The following NSRP1 variants were observed in gnomAD, a reference collection of about 807,000 sequenced individuals.
NSRP1 encodes the protein coiled-coil domain containing 55.
A neutral mutation model predicts 54.7 loss-of-function variants in NSRP1; 24 were observed. The observed-to-expected ratio is 0.44, with a 90% CI of 0.32 to 0.62. The LOEUF is 0.62. Ranked by LOEUF, NSRP1 falls within the 20% of genes least tolerant of loss-of-function variation. The pLI, the probability that NSRP1 is intolerant of heterozygous loss-of-function variation, is 0.06. For missense variants in NSRP1, 596 were observed against 651.2 expected (o/e 0.92, Z 0.92); for synonymous variants, 210 against 213.8 (o/e 0.98, Z 0.15).
intron 2 of NSRP1, among the ~76,000 whole-genome samples, chr17:30,159,053 G>A (rs74978735): frequency 0.023 from 3,532 of 152,248 alleles, 132 homozygotes; most frequent in African/African-American, 0.081. Context: ...GCTTTTGGTA[G>A]AATGGTCATT....
Position 30,180,934 on chromosome 17 carries a change from G to A in NSRP1, c.535G>A (p.Asp179Asn), listed in dbSNP as rs758791206. Residue 179 changes from aspartate (D) to asparagine (N), a missense_variant, in exon 6 of 7, where the codon GAT becomes AAT. By Grantham distance (23) the Asp-to-Asn change is conservative (BLOSUM62 1). Transcript: ENST00000247026. ...ATGTTTGGATGTAACCAAGCAGAAA[G>A]ATCTCAGTGGATTTTATAGGCACCT... ...EACLDVTKQK[D>N]LSGFYRHLLN... 2 of 1,613,268 alleles carry A rather than the reference G, an allele frequency of 1.2e-6. No homozygotes were observed. The highest frequency in any genetic ancestry group is 1.3e-5 in the African/African-American group (1 of 74,954).
Position 30,185,696 on chromosome 17 carries a change from T to G in NSRP1, c.*22T>G. The G allele has an allele frequency of 6.6e-7, 1 of 1,511,432 alleles. No homozygotes were observed. Among genetic ancestry groups the G allele is most frequent in the South Asian group, 1.4e-5 (1 of 70,796 alleles). The allele number at this position is 1,511,432 out of a possible 1,614,324, so 93.6% of individuals were successfully genotyped here. On this transcript the variant is annotated 3_prime_UTR_variant, in exon 7 of 7. Coordinates refer to ENST00000247026, the MANE Select transcript of NSRP1 (RefSeq NM_032141.4). Reference sequence around the variant, plus strand: ...TTGATGGCTACCCCAAGAGAAAGATTTAAGGAAGCACAGAAAACTGTAATT... The same window carrying G: ...TTGATGGCTACCCCAAGAGAAAGATGTAAGGAAGCACAGAAAACTGTAATT...
intron 2 of NSRP1, among the ~76,000 whole-genome samples, chr17:30,169,846 GA>G (rs968110521): frequency 0.017 from 2,435 of 142,286 alleles, 64 homozygotes; most frequent in African/African-American, 0.056. Flanking sequence ...TTATTACCAT[GA>G]AAAAAAAAAA....
At chr17:30,122,334 A>G (rs1450487910) in intron 2 of NSRP1, 1 of 102,772 alleles carries the variant, frequency 9.7e-6, no homozygotes, top group Admixed American at 1.3e-4. Flanking sequence ...TTTCTGGTTC[A>G]TATGATAACT....
intron 2 of NSRP1, among the ~76,000 whole-genome samples, chr17:30,148,028 A>T (rs1167584889): frequency 6.7e-6 from 1 of 150,192 alleles, no homozygotes; most frequent in African/African-American, 2.4e-5. Flanking sequence ...GGCCAGGCTC[A>T]TCTTGCGAAC....
At chr17:30,151,897 G>A (rs1258954554) in intron 2 of NSRP1, among the ~76,000 whole-genome samples, 1 of 146,284 alleles carries the variant, frequency 6.8e-6, no homozygotes, top group Non-Finnish European at 1.5e-5. Flanking sequence ...ATTCTCCCAA[G>A]TAGCTGGGAT....
rs548462432 is a variant in NSRP1 at position 30,133,262 on chromosome 17, A to G, written c.114+15089A>G. ...GCCACCACACCTGGCCTTGAAATGT[A>G]TTTCTTAAATAAGCCTTGAAGGTCA... On this transcript the variant is annotated intron_variant, in intron 2 of 6. Transcript: ENST00000247026. 1.1e-3 allele frequency among the ~76,000 whole-genome samples: 162 copies of G among 151,986 alleles called. 1 individual carries two copies. Among genetic ancestry groups the G allele is most frequent in the African/African-American group, 3.7e-3 (154 of 41,472 alleles).
In NSRP1 at chr17:30,145,002, A is replaced by T. The variant is rs1397713717; in HGVS notation, c.114+26829A>T. Among the ~76,000 whole-genome samples, 4 of 152,300 alleles carry T rather than the reference A, an allele frequency of 2.6e-5. No homozygotes were observed. The East Asian group carries it at 7.7e-4, about 29-fold the overall frequency. On this transcript the variant is annotated intron_variant, in intron 2 of 6. Coordinates refer to ENST00000247026, the MANE Select transcript of NSRP1 (RefSeq NM_032141.4). ...TTATATTTTGTTTTGAGTACATATGATTTTGTAAACATAAATGTTACTGCA... is the reference window on the plus strand; with the variant it reads ...TTATATTTTGTTTTGAGTACATATGTTTTTGTAAACATAAATGTTACTGCA...
chr17:30,166,799 A>G (rs1904744558), intron 2 of NSRP1, among the ~76,000 whole-genome samples: 1 of 151,954 alleles, frequency 6.6e-6, no homozygotes, highest in Non-Finnish European at 1.5e-5. Flanking sequence ...GGTGGCGCAC[A>G]CTTGTAATCC....
At chr17:30,176,005 C>G (rs991881319) in intron 3 of NSRP1, among the ~76,000 whole-genome samples, 4 of 151,170 alleles carry the variant, frequency 2.6e-5, no homozygotes, top group African/African-American at 9.7e-5. Flanking sequence ...TCCGAACCCC[C>G]CCCCCAAAAA....
chr17:30,179,106 A>G lies in NSRP1; in HGVS notation c.317A>G (p.Asn106Ser), dbSNP rs1905217798. The change falls in exon 5 of 7, where the codon AAC becomes AGC. Residue 106 changes from asparagine (N) to serine (S), a missense_variant. Physicochemically the swap from Asn to Ser is conservative, Grantham distance 46. Transcript: ENST00000247026. Reference sequence around the variant, plus strand: ...TTTCCTTAGCCCAAGTATATTCACAACTTGCTAAAAGCAGTTGAGATCAGA... The same window carrying G: ...TTTCCTTAGCCCAAGTATATTCACAGCTTGCTAAAAGCAGTTGAGATCAGA... Reference protein sequence around the residue: ...GKDRKPKYIHNLLKAVEIRKK... With the variant: ...GKDRKPKYIHSLLKAVEIRKK... 5.1e-6 allele frequency: 8 copies of G among 1,580,548 alleles called. No individual in the cohort carries two copies. Among genetic ancestry groups the G allele is most frequent in the Non-Finnish European group, 6.9e-6 (8 of 1,161,544 alleles).
Position 30,132,121 on chromosome 17 carries a change from G to A in NSRP1, c.114+13948G>A, listed in dbSNP as rs9909327. ...AAATTAGCCGGGCATGGTGGCGGGCGCCTGTAGTCCCAGCTACTCCGGAGG... is the reference window on the plus strand; with the variant it reads ...AAATTAGCCGGGCATGGTGGCGGGCACCTGTAGTCCCAGCTACTCCGGAGG... On this transcript the variant is annotated intron_variant, in intron 2 of 6. Transcript: ENST00000247026. Among the ~76,000 whole-genome samples the A allele has an allele frequency of 7.9e-3, 1,175 of 149,082 alleles. 11 individuals are homozygous for A. Among genetic ancestry groups the A allele is most frequent in the African/African-American group, 0.027 (1,100 of 41,174 alleles).
At chr17:30,147,116 C>A (rs1006414507) in intron 2 of NSRP1, among the ~76,000 whole-genome samples, 21 of 144,912 alleles carry the variant, frequency 1.4e-4, no homozygotes, top group African/African-American at 4.8e-4. Flanking sequence ...TAGACTTTTT[C>A]TTTTTCTTTT....
chr17:30,159,670 A>T (rs1904440331), intron 2 of NSRP1, among the ~76,000 whole-genome samples: 1 of 151,470 alleles, frequency 6.6e-6, no homozygotes, highest in African/African-American at 2.4e-5. Flanking sequence ...TTGTTTATTT[A>T]TTTTTTGAGA....
Position 30,178,074 on chromosome 17 carries a change from A to C in NSRP1, c.175A>C (p.Lys59Gln), listed in dbSNP as rs562675606. 1 of 1,612,262 alleles carries C rather than the reference A, an allele frequency of 6.2e-7. No individual in the cohort carries two copies. The highest frequency in any genetic ancestry group is 8.5e-7 in the Non-Finnish European group (1 of 1,179,588). The change falls in exon 4 of 7, where the codon AAA (lysine) becomes CAA (glutamine). Residue 59 changes from lysine to glutamine, a missense_variant. By Grantham distance (53) the Lys-to-Gln change is moderately conservative. Coordinates refer to ENST00000247026, the MANE Select transcript of NSRP1 (RefSeq NM_032141.4). Reference protein sequence around the residue: ...AAKKQAMKQTKLEIQKALAED... With the variant: ...AAKKQAMKQTQLEIQKALAED... ...ACATGTTTAATTTTTTTTTAAGACC[A>C]AACTGGAAATCCAGAAGGCCCTTGC...
intron 2 of NSRP1, among the ~76,000 whole-genome samples, chr17:30,160,278 T>A (rs1167817227): frequency 6.6e-6 from 1 of 152,172 alleles, no homozygotes; most frequent in Non-Finnish European, 1.5e-5. Context: ...GTTTTGTTTT[T>A]TAATGTTGTG....
intron 2 of NSRP1, among the ~76,000 whole-genome samples, chr17:30,149,779 G>A (rs2071888615): frequency 6.8e-6 from 1 of 146,992 alleles, no homozygotes; most frequent in Admixed American, 7.0e-5. Context: ...AGGCTGCAGT[G>A]AGCCATGGTC....
chr17:30,169,963 TACAC>T (rs1904867882), intron 2 of NSRP1, among the ~76,000 whole-genome samples: 2 of 152,222 alleles, frequency 1.3e-5, no homozygotes, highest in South Asian at 4.1e-4. Flanking sequence ...ATTTAAAACT[TACAC>T]ATATGTTTTT....
At chr17:30,139,339 C>G (rs2071782106) in intron 2 of NSRP1, among the ~76,000 whole-genome samples, 1 of 152,122 alleles carries the variant, frequency 6.6e-6, no homozygotes, top group East Asian at 1.9e-4. Context: ...TGCCTTTTCA[C>G]TCTGCTGAAA....
Sources: allele counts gnomAD v4.1 joint callset (sites outside exome capture counted in the v4.1 genomes callset), GRCh38; gene constraint gnomAD v4.1.1; transcripts MANE v1.5; gene names NCBI Gene and HGNC (gene_info 2026-07-23, HGNC 2026-07-21).